ADAMTSL1: variants seen among roughly 807,000 people sequenced by gnomAD.
ADAMTSL1 encodes ADAMTS-like protein 1.
In ADAMTSL1, 126 loss-of-function variants were observed where a neutral mutation model predicts 201.8. That is an observed-to-expected ratio of 0.62 (90% CI 0.54 to 0.72). The LOEUF is 0.72. ADAMTSL1 is among the 30% of genes least tolerant of loss of function. The probability of loss-of-function intolerance (pLI) is 0.00; values close to 1 mark genes in which losing one functional copy is unlikely to be tolerated. For missense variants in ADAMTSL1, 2,679 were observed against 2,277.8 expected (o/e 1.18, Z -3.59); for synonymous variants, 1,121 against 903.4 (o/e 1.24, Z -4.32).
intron 7 of ADAMTSL1, among the ~76,000 whole-genome samples, chr9:18,645,778 T>G (rs538468984): frequency 5.4e-4 from 77 of 142,582 alleles, no homozygotes; most frequent in African/African-American, 1.9e-3. Flanking sequence ...ACCATGCTGT[T>G]TTGGTTACTG....
chr9:18,530,691 C>T (rs1296911934), intron 2 of ADAMTSL1, among the ~76,000 whole-genome samples: 2 of 152,140 alleles, frequency 1.3e-5, no homozygotes, highest in African/African-American at 4.8e-5. Context: ...ATTAATTTAT[C>T]TAACATCTAC....
At chr9:18,520,592 G>C (rs1284692454) in intron 2 of ADAMTSL1, among the ~76,000 whole-genome samples, 2 of 152,202 alleles carry the variant, frequency 1.3e-5, no homozygotes, top group East Asian at 1.9e-4. Flanking sequence ...CTTTAAGGCT[G>C]ACTTTTCTTT....
Position 18,325,831 on chromosome 9 carries a change from C to G in ADAMTSL1, c.207+161850C>G, listed in dbSNP as rs113650016. Among the ~76,000 whole-genome samples the G allele has an allele frequency of 9.0e-3, 1,367 of 152,224 alleles. 30 individuals are homozygous for G. Among genetic ancestry groups the G allele is most frequent in the African/African-American group, 0.031 (1,294 of 41,514 alleles). On this transcript the variant is annotated intron_variant, in intron 2 of 29. Transcript: ENST00000680146. The stretch of plus-strand genomic sequence containing the variant: ...TCTCTGCTCACTGCAACCTCCGCCC[C>G]CAGGATTCAAGCGATTCTCCTGCCT...
In ADAMTSL1 at chr9:18,402,841, T is replaced by C. The variant is rs73417008; in HGVS notation, c.208-101988T>C. On this transcript the variant is annotated intron_variant, in intron 2 of 29. Coordinates refer to the ADAMTSL1 transcript ENST00000680146. ...CCCTATACCTGTATCATGACTGCTATTGGGCTAGAATCACCATAAGAATTG... is the reference window on the plus strand; with the variant it reads ...CCCTATACCTGTATCATGACTGCTACTGGGCTAGAATCACCATAAGAATTG... 6.9e-3 allele frequency among the ~76,000 whole-genome samples: 1,046 copies of C among 152,314 alleles called. 15 individuals carry two copies. The highest frequency in any genetic ancestry group is 0.024 in the African/African-American group (988 of 41,564).
At chr9:18,662,429 T>C (rs1829161365) in intron 9 of ADAMTSL1, among the ~76,000 whole-genome samples, 1 of 152,178 alleles carries the variant, frequency 6.6e-6, no homozygotes, top group Admixed American at 6.5e-5. Flanking sequence ...GACACAATGT[T>C]CTCAGGATTT....
At chr9:18,213,044 G>A (rs992036904) in intron 2 of ADAMTSL1, among the ~76,000 whole-genome samples, 2 of 152,130 alleles carry the variant, frequency 1.3e-5, no homozygotes, top group African/African-American at 2.4e-5. Context: ...AACTCAGCCT[G>A]ACTTAATGCA....
At chr9:18,219,747 C>T (rs539585045) in intron 2 of ADAMTSL1, among the ~76,000 whole-genome samples, 2 of 152,042 alleles carry the variant, frequency 1.3e-5, no homozygotes, top group Non-Finnish European at 2.9e-5. Flanking sequence ...AGGTTTAGGC[C>T]TAAGTTCTTT....
chr9:18,646,206 A>T (rs991432795), intron 7 of ADAMTSL1, among the ~76,000 whole-genome samples: 4 of 151,924 alleles, frequency 2.6e-5, no homozygotes, highest in African/African-American at 9.7e-5. Flanking sequence ...TTATTGGTGT[A>T]TAAGAATGCT....
In ADAMTSL1 at chr9:18,894,345, CT is replaced by C. The variant is rs56112949; in HGVS notation, c.4851+1765del. Among the ~76,000 whole-genome samples the C allele has an allele frequency of 8.7e-4, 108 of 123,984 alleles. 1 individual carries two copies. The highest frequency in any genetic ancestry group is 1.2e-3 in the East Asian group (5 of 4,322). The allele number at this position is 123,984 out of a possible 152,430, so 81.3% of individuals were successfully genotyped here. On this transcript the variant is annotated intron_variant, in intron 26 of 28. Transcript: ENST00000380548. The stretch of plus-strand genomic sequence containing the variant: ...CCTGGGTGACAGAGCAAAACCTTGT[CT>C]TTTTTTTTTTTTTTTGAAAAAGGTA...
chr9:18,507,592 T>C (rs1817752648), intron 2 of ADAMTSL1, among the ~76,000 whole-genome samples: 1 of 152,168 alleles, frequency 6.6e-6, no homozygotes, highest in African/African-American at 2.4e-5. Flanking sequence ...CACACTTATT[T>C]TCTAGAAAGC....
At chr9:18,697,567 G>A (rs1360570090) in intron 13 of ADAMTSL1, among the ~76,000 whole-genome samples, 4 of 152,136 alleles carry the variant, frequency 2.6e-5, no homozygotes, top group Non-Finnish European at 5.9e-5. Flanking sequence ...ATAATGAGTT[G>A]TATATGTAAA....
In ADAMTSL1 at chr9:18,483,481, T is replaced by A. The variant is rs117488140; in HGVS notation, c.63+9186T>A. 1.1e-3 allele frequency among the ~76,000 whole-genome samples: 170 copies of A among 152,264 alleles called. 2 individuals are homozygous for A. The East Asian group carries it at 0.032, about 29-fold the overall frequency. ...GGGATTGAAATGTTGAAATGTCACA[T>A]GCGGAAGAAACCAAGGATCGAATGA... On this transcript the variant is annotated intron_variant, in intron 1 of 28. Transcript: ENST00000380548.
At chr9:18,022,176 C>T (rs1014062110) in intron 1 of ADAMTSL1, among the ~76,000 whole-genome samples, 1 of 152,098 alleles carries the variant, frequency 6.6e-6, no homozygotes, top group Non-Finnish European at 1.5e-5. Context: ...AGCACTTTCT[C>T]TGTGGCCCCA....
intron 7 of ADAMTSL1, among the ~76,000 whole-genome samples, chr9:18,656,893 C>G (rs1308228148): frequency 1.3e-5 from 2 of 151,754 alleles, no homozygotes; most frequent in Non-Finnish European, 2.9e-5. Context: ...CAACCTTGTA[C>G]TCTTAAGAAC....
chr9:18,683,931 G>A (rs1357399510), intron 12 of ADAMTSL1, among the ~76,000 whole-genome samples: 1 of 152,158 alleles, frequency 6.6e-6, no homozygotes, highest in Non-Finnish European at 1.5e-5. Flanking sequence ...AATGGTGATA[G>A]AGCATCATTG....
intron 13 of ADAMTSL1, among the ~76,000 whole-genome samples, chr9:18,698,838 A>G (rs1350382958): frequency 3.9e-5 from 6 of 152,332 alleles, no homozygotes; most frequent in Non-Finnish European, 7.4e-5. Context: ...AGAACCTGAT[A>G]CCAATCTTCC....
chr9:18,204,579 C>A (rs531509385), intron 2 of ADAMTSL1, among the ~76,000 whole-genome samples: 2 of 152,108 alleles, frequency 1.3e-5, no homozygotes, highest in African/African-American at 2.4e-5. Context: ...GACTTTCATG[C>A]CCAGCATGTT....
chr9:18,714,746 G>T (rs1377888818), intron 14 of ADAMTSL1, among the ~76,000 whole-genome samples: 4 of 151,968 alleles, frequency 2.6e-5, no homozygotes, highest in Admixed American at 1.3e-4. Context: ...TAACTCATTT[G>T]ATGAGGCCAG....
intron 2 of ADAMTSL1, among the ~76,000 whole-genome samples, chr9:18,298,936 C>A (rs1224179210): frequency 6.6e-6 from 1 of 150,942 alleles, no homozygotes; most frequent in Non-Finnish European, 1.5e-5. Context: ...GGCGTGAACC[C>A]GGGAGGCGGA....
Sources: allele counts gnomAD v4.1 joint callset (sites outside exome capture counted in the v4.1 genomes callset), GRCh38; gene constraint gnomAD v4.1.1; transcripts MANE v1.5; gene names NCBI Gene and HGNC (gene_info 2026-07-23, HGNC 2026-07-21).